The following RBKS variants were observed in gnomAD, a reference collection of about 807,000 sequenced individuals.
The protein encoded by RBKS is ribokinase.
Under a neutral mutation model 33.9 loss-of-function variants are expected in RBKS, and 33 were observed. That is an observed-to-expected ratio of 0.97 (90% CI 0.74 to 1.30). The LOEUF (loss-of-function observed/expected upper bound fraction) is 1.30, where lower values mean the gene tolerates loss of function less well. RBKS is among the 50% of genes most tolerant of loss of function. RBKS has a pLI of 0.00. For missense variants in RBKS, 361 were observed against 392.6 expected, an observed-to-expected ratio of 0.92 and a Z score of 0.68; for synonymous variants, 125 against 143.0, an observed-to-expected ratio of 0.87 and a Z score of 0.90.
chr2:27,842,878 GT>G (rs373375641), intron 5 of RBKS, among the ~76,000 whole-genome samples, 188 bp downstream of exon 5: 120 of 145,492 alleles, frequency 8.2e-4, no homozygotes, highest in African/African-American at 2.5e-3. Context: ...TGCTACTCAT[GT>G]TTTTTTTTTT....
At chr2:27,882,763 T>C (rs1019150355) in intron 1 of RBKS, among the ~76,000 whole-genome samples, 1 of 152,208 alleles carries the variant, frequency 6.6e-6, no homozygotes, top group Non-Finnish European at 1.5e-5. Flanking sequence ...AAGAACGACA[T>C]CATGTACTTT....
At chr2:27,889,865 A>G (rs967967490) in intron 1 of RBKS, 17 of 188,660 alleles carry the variant, frequency 9.0e-5, no homozygotes, top group Non-Finnish European at 1.7e-4. Context: ...TAGTCCTCAC[A>G]ACAACCCTGT....
intron 6 of RBKS, among the ~76,000 whole-genome samples, chr2:27,828,272 T>C (rs531510571): frequency 1.3e-5 from 2 of 151,268 alleles, no homozygotes; most frequent in African/African-American, 2.4e-5. Context: ...TAACAAAGAG[T>C]TGGGGCAACA....
intron 7 of RBKS, among the ~76,000 whole-genome samples, chr2:27,816,876 C>T (rs1345215147): frequency 2.6e-5 from 4 of 152,188 alleles, no homozygotes; most frequent in Admixed American, 1.3e-4. Context: ...GGATAACAGG[C>T]GTGAGCCACC....
intron 1 of RBKS, among the ~76,000 whole-genome samples, chr2:27,883,185 C>T (rs1664453112): frequency 6.6e-6 from 1 of 151,856 alleles, no homozygotes; most frequent in East Asian, 1.9e-4. Context: ...ACCATGTTTT[C>T]CTAACTGCAG....
intron 1 of RBKS, among the ~76,000 whole-genome samples, chr2:27,867,439 C>T (rs1354071969): frequency 5.9e-5 from 9 of 152,020 alleles, no homozygotes; most frequent in Non-Finnish European, 8.8e-5. Flanking sequence ...ATGAAATTTC[C>T]GAATTGAAAA....
chr2:27,889,540 G>C (rs1388887667), intron 1 of RBKS, among the ~76,000 whole-genome samples: 1 of 152,042 alleles, frequency 6.6e-6, no homozygotes, highest in African/African-American at 2.4e-5. Flanking sequence ...TTAAAAAAAA[G>C]AAAAATCAGA....
In RBKS at chr2:27,858,488, T is replaced by C; in HGVS notation, c.173A>G (p.Gln58Arg). The change falls in exon 2 of 8, where the codon CAG (glutamine) becomes CGG (arginine). Residue 58 changes from glutamine (Q) to arginine (R), a missense_variant. Transcript: ENST00000302188. ...TCCAAGCCGAGCAGCTTGGACACAC[T>C]GGTTGGCACCTTTCCCTCCAAAGCC... ...FIGFGGKGAN[Q>R]CVQAARLGAM... 6 of 1,614,110 alleles carry C rather than the reference T, an allele frequency of 3.7e-6. No individual in the cohort carries two copies. The highest frequency in any genetic ancestry group is 5.1e-6 in the Non-Finnish European group (6 of 1,179,994).
intron 1 of RBKS, among the ~76,000 whole-genome samples, chr2:27,889,494 ATACAT>A (rs1318065890): frequency 6.6e-6 from 1 of 152,208 alleles, no homozygotes; most frequent in African/African-American, 2.4e-5. Context: ...TACAGTGAAC[ATACAT>A]TACTTTTGTA....
intron 2 of RBKS, among the ~76,000 whole-genome samples, chr2:27,856,011 A>G (rs1454623247): frequency 6.6e-6 from 1 of 152,200 alleles, no homozygotes; most frequent in East Asian, 1.9e-4. Context: ...AACTGCTATA[A>G]AGCAAGTTTG....
chr2:27,838,074 C>T (rs965866697), intron 5 of RBKS, among the ~76,000 whole-genome samples: 1 of 152,078 alleles, frequency 6.6e-6, no homozygotes, highest in Non-Finnish European at 1.5e-5. Flanking sequence ...GTGGTGCCTG[C>T]CTGTAATCCC....
In RBKS at chr2:27,890,212, C is replaced by A. The variant is rs1247614452; in HGVS notation, c.89+45G>T. The stretch of plus-strand genomic sequence containing the variant: ...CACTGGGCGCATAGCGCACGGCACG[C>A]CTCCTCCCCCGAGCCGCAGACTGAG... On this transcript the variant is annotated intron_variant, in intron 1 of 7. Coordinates refer to ENST00000302188, the MANE Select transcript of RBKS (RefSeq NM_022128.3). This position sits in a 1 kb window ranked among gnomAD's most constrained non-coding sequence, Gnocchi z 4.8. 1 of 1,580,680 alleles carries A rather than the reference C, an allele frequency of 6.3e-7. No individual in the cohort carries two copies. Among genetic ancestry groups the A allele is most frequent in the African/African-American group, 1.3e-5 (1 of 74,388 alleles).
intron 7 of RBKS, among the ~76,000 whole-genome samples, chr2:27,800,736 T>C (rs1371651258): frequency 6.6e-6 from 1 of 152,162 alleles, no homozygotes; most frequent in Non-Finnish European, 1.5e-5. Context: ...ACTGGCTTTA[T>C]GTTTCCAGCT....
rs1573059873 is a variant in RBKS at position 27,843,165 on chromosome 2, G to A, written c.416C>T (p.Ala139Val). 2 of 1,612,832 alleles carry A rather than the reference G, an allele frequency of 1.2e-6. No homozygotes were observed. Among genetic ancestry groups the A allele is most frequent in the Non-Finnish European group, 1.7e-6 (2 of 1,179,342 alleles). ...TTTGGCTCTGCTAATGACATTGGCT[G>A]CTGCCCTCAGATCCTCCGTATTCAA... ...LLLNTEDLRA[A>V]ANVISRAKVM... Residue 139 changes from alanine to valine, a missense_variant, in exon 5 of 8, where the codon GCA (alanine) becomes GTA (valine). By Grantham distance (64) the Ala-to-Val change is moderately conservative (BLOSUM62 0). Coordinates refer to ENST00000302188, the MANE Select transcript of RBKS (RefSeq NM_022128.3).
At chr2:27,889,303 C>A (rs1193970718) in intron 1 of RBKS, among the ~76,000 whole-genome samples, 1 of 152,166 alleles carries the variant, frequency 6.6e-6, no homozygotes, top group East Asian at 1.9e-4. Context: ...TTTAGTTCCA[C>A]GTTCTCTATT....
intron 7 of RBKS, among the ~76,000 whole-genome samples, chr2:27,811,716 G>C (rs1677988414): frequency 6.6e-6 from 1 of 152,170 alleles, no homozygotes; most frequent in Non-Finnish European, 1.5e-5. Context: ...ATAGAAATAA[G>C]ATTTTCCCAG....
chr2:27,808,277 C>G (rs1261611988), intron 7 of RBKS, among the ~76,000 whole-genome samples: 1 of 152,210 alleles, frequency 6.6e-6, no homozygotes. Context: ...TATATTTCAA[C>G]TACTATAAAA....
rs191812779 is a variant in RBKS, at chr2:27,825,574, A to T, written c.795+1993T>A. ...ATCCACTTCCCTATCCTCTGATAAG[A>T]GTGATTTGTATCTGAAACCAGGGAC... is the stretch of plus-strand genomic sequence containing the variant. On this transcript the variant is annotated intron_variant, in intron 7 of 7. Coordinates refer to ENST00000302188, the MANE Select transcript of RBKS (RefSeq NM_022128.3). Among the ~76,000 whole-genome samples, 388 of 152,298 alleles carry T rather than the reference A, an allele frequency of 2.5e-3. 1 individual carries two copies. Among genetic ancestry groups the T allele is most frequent in the African/African-American group, 8.8e-3 (367 of 41,556 alleles).
At chr2:27,785,020 G>A (rs1463699216) in intron 7 of RBKS, among the ~76,000 whole-genome samples, 1 of 152,004 alleles carries the variant, frequency 6.6e-6, no homozygotes, top group African/African-American at 2.4e-5. Flanking sequence ...GAAGAGTTAC[G>A]GCAAACTCCC....
Sources: gnomAD v4.1 joint callset for allele counts (sites outside exome capture counted in the v4.1 genomes callset) on GRCh38, gnomAD v4.1.1 for gene constraint, Gnocchi (gnomAD v3.1) non-coding constraint, MANE v1.5 for transcripts, NCBI Gene and HGNC (gene_info 2026-07-23, HGNC 2026-07-21) for gene names.